GHR: variants seen among roughly 807,000 people sequenced by gnomAD.
The protein encoded by GHR is growth hormone receptor.
GHR carries 35 observed loss-of-function variants against 67.1 expected under a neutral mutation model. The ratio of observed to expected loss-of-function variants is 0.52; its 90% confidence interval spans 0.40 to 0.69. The LOEUF is 0.69. Ranked by LOEUF, GHR falls within the 30% of genes least tolerant of loss-of-function variation. The pLI is 0.00. For missense variants in GHR, 792 were observed against 764.6 expected (o/e 1.04, Z -0.42); for synonymous variants, 272 against 269.1 (o/e 1.01, Z -0.10).
chr5:42,453,424 A>G (rs1431767000), intron 1 of GHR, among the ~76,000 whole-genome samples: 1 of 152,194 alleles, frequency 6.6e-6, no homozygotes, highest in Non-Finnish European at 1.5e-5. Flanking sequence ...GTAATACCCA[A>G]TGGCGAGCCG....
chr5:42,665,891 A>G (rs965490454), intron 3 of GHR, among the ~76,000 whole-genome samples: 2 of 152,094 alleles, frequency 1.3e-5, no homozygotes, highest in Non-Finnish European at 2.9e-5. Context: ...TGTGCAGGGG[A>G]ACTGCCCTTT....
intron 1 of GHR, among the ~76,000 whole-genome samples, chr5:42,560,541 C>T (rs1749550007): frequency 6.6e-6 from 1 of 152,100 alleles, no homozygotes; most frequent in African/African-American, 2.4e-5. Context: ...AGACTTGTCA[C>T]CAAATAGTCT....
chr5:42,659,712 T>C (rs1042309965), intron 3 of GHR, among the ~76,000 whole-genome samples: 2 of 152,176 alleles, frequency 1.3e-5, no homozygotes, highest in Non-Finnish European at 2.9e-5. Context: ...CATTTCCATC[T>C]GAGCTACTGC....
chr5:42,711,515 T>C (rs1315645483), intron 7 of GHR, 143 bp downstream of exon 7: 2 of 699,024 alleles, frequency 2.9e-6, no homozygotes, highest in Non-Finnish European at 5.1e-6. Flanking sequence ...GAGCTCACTA[T>C]CTGTAACAGA....
intron 1 of GHR, among the ~76,000 whole-genome samples, chr5:42,534,397 CATGTGTAT>C (rs1488350474): frequency 1.3e-4 from 14 of 108,660 alleles, no homozygotes; most frequent in Admixed American, 1.9e-4. Flanking sequence ...TATATATGTA[CATGTGTAT>C]ATGTGTATAT....
chr5:42,700,818 A>G (rs548553061), intron 6 of GHR, among the ~76,000 whole-genome samples: 52 of 152,276 alleles, frequency 3.4e-4, no homozygotes, highest in African/African-American at 1.2e-3. Context: ...AAAGATGCCA[A>G]TTTTGTCATT....
At chr5:42,601,868 G>T (rs1450940028) in intron 2 of GHR, among the ~76,000 whole-genome samples, 1 of 151,870 alleles carries the variant, frequency 6.6e-6, no homozygotes, top group Admixed American at 6.6e-5. Context: ...TGTATCAAGG[G>T]TTGTTTATTA....
intron 3 of GHR, among the ~76,000 whole-genome samples, chr5:42,635,559 G>T (rs2112767597): frequency 6.6e-6 from 1 of 152,294 alleles, no homozygotes; most frequent in East Asian, 1.9e-4. Context: ...ACTGCCATTA[G>T]TTTCACACGT....
intron 1 of GHR, among the ~76,000 whole-genome samples, chr5:42,455,464 T>G (rs1744222948): frequency 6.6e-6 from 1 of 152,202 alleles, no homozygotes; most frequent in Admixed American, 6.5e-5. Context: ...AGATACCATC[T>G]TTTGTTTCTT....
intron 1 of GHR, chr5:42,465,644 T>C (rs1744694577): frequency 1.1e-6 from 1 of 919,304 alleles, no homozygotes; most frequent in African/African-American, 1.6e-5. Context: ...AATTCCCCAG[T>C]TGTGAGATCT....
chr5:42,621,512 G>C (rs1471551123), intron 2 of GHR, among the ~76,000 whole-genome samples: 4 of 152,164 alleles, frequency 2.6e-5, no homozygotes, highest in African/African-American at 9.7e-5. Flanking sequence ...GAAGCTTGAA[G>C]TTGTTAGGAA....
intron 1 of GHR, among the ~76,000 whole-genome samples, chr5:42,524,615 G>A (rs998200853): frequency 1.3e-5 from 2 of 152,204 alleles, no homozygotes; most frequent in African/African-American, 4.8e-5. Context: ...GAGTAGCAAG[G>A]AGCCTAATGT....
At chr5:42,555,356 G>C (rs1033056861) in intron 1 of GHR, among the ~76,000 whole-genome samples, 29 of 152,294 alleles carry the variant, frequency 1.9e-4, no homozygotes, top group African/African-American at 6.7e-4. Flanking sequence ...CCTATGCACT[G>C]AAAATATTAT....
At chr5:42,712,503 A>AT (rs1182830745) in intron 7 of GHR, among the ~76,000 whole-genome samples, 4 of 152,190 alleles carry the variant, frequency 2.6e-5, no homozygotes, top group South Asian at 2.1e-4. Flanking sequence ...ACAAAAAATG[A>AT]TTTTTTCTCC....
At chr5:42,682,492 A>T (rs1756935688) in intron 3 of GHR, among the ~76,000 whole-genome samples, 1 of 152,198 alleles carries the variant, frequency 6.6e-6, no homozygotes, top group Non-Finnish European at 1.5e-5. Context: ...TCATTTTAAG[A>T]TTATGGTAGT....
rs183548385 is a variant in GHR, at chr5:42,516,593, A to G, written c.-11-49271A>G. 2.4e-4 allele frequency among the ~76,000 whole-genome samples: 36 copies of G among 152,336 alleles called. 1 individual carries two copies. The highest frequency in any genetic ancestry group is 8.7e-4 in the African/African-American group (36 of 41,578). On this transcript the variant is annotated intron_variant, in intron 1 of 9. Coordinates refer to ENST00000230882, the MANE Select transcript of GHR (RefSeq NM_000163.5). ...ACCCTGGAGAGAAAGTAGGGAAGAGACAATAGAGGAAAGAGGACAAGGAAG... is the reference window on the plus strand; with the variant it reads ...ACCCTGGAGAGAAAGTAGGGAAGAGGCAATAGAGGAAAGAGGACAAGGAAG...
intron 8 of GHR, among the ~76,000 whole-genome samples, chr5:42,715,699 T>G (rs1430175760): frequency 6.6e-6 from 1 of 152,236 alleles, no homozygotes; most frequent in African/African-American, 2.4e-5. Flanking sequence ...TTAATTAGTT[T>G]TGATTTCAGA....
chr5:42,481,817 C>T (rs1016018332), intron 1 of GHR, among the ~76,000 whole-genome samples: 5 of 152,066 alleles, frequency 3.3e-5, no homozygotes, highest in African/African-American at 1.2e-4. Context: ...ACTTCTTTGC[C>T]ATTGGCTCAA....
At chr5:42,443,230 A>G (rs866267101) in intron 1 of GHR, among the ~76,000 whole-genome samples, 2 of 152,146 alleles carry the variant, frequency 1.3e-5, no homozygotes, top group African/African-American at 2.4e-5. Flanking sequence ...CCTAGTTGAA[A>G]TTTGTTGAAA....
Sources: allele counts gnomAD v4.1 joint callset (sites outside exome capture counted in the v4.1 genomes callset), GRCh38; gene constraint gnomAD v4.1.1; transcripts MANE v1.5; gene names NCBI Gene and HGNC (gene_info 2026-07-23, HGNC 2026-07-21).